The following ARHGAP32 variants were observed in gnomAD, a reference collection of about 807,000 sequenced individuals.
The protein encoded by ARHGAP32 is rho GTPase-activating protein 32.
Under a neutral mutation model 186.5 loss-of-function variants are expected in ARHGAP32, and 51 were observed. That is an observed-to-expected ratio of 0.27 (90% confidence interval 0.22 to 0.35). ARHGAP32 has a LOEUF of 0.35. Among genes scored for constraint, ARHGAP32 ranks in the 10% least tolerant of loss-of-function variants. The probability of loss-of-function intolerance (pLI) is 1.00; values close to 1 mark genes in which losing one functional copy is unlikely to be tolerated. For synonymous variants in ARHGAP32, 950 were observed against 964.3 expected (o/e 0.99, Z 0.27); for missense variants, 2,186 against 2,623.5 (o/e 0.83, Z 3.64).
At chr11:129,078,339 T>C (rs914973174) in intron 6 of ARHGAP32, among the ~76,000 whole-genome samples, 1 of 152,070 alleles carries the variant, frequency 6.6e-6, no homozygotes. Flanking sequence ...TCCTCTGACA[T>C]AGTCCACCCA....
At chr11:129,160,005 C>A (rs1943496359) in intron 2 of ARHGAP32, among the ~76,000 whole-genome samples, 1 of 152,106 alleles carries the variant, frequency 6.6e-6, no homozygotes, top group Admixed American at 6.6e-5. Flanking sequence ...ACAAAAACCA[C>A]AATTATCTCA....
intron 1 of ARHGAP32, among the ~76,000 whole-genome samples, chr11:129,208,174 A>T (rs1407294124): frequency 6.6e-6 from 1 of 152,210 alleles, no homozygotes; most frequent in African/African-American, 2.4e-5. Flanking sequence ...CTATTTGGTC[A>T]GGAAAGAGGA....
chr11:129,225,920 A>G (rs193116947), intron 1 of ARHGAP32, among the ~76,000 whole-genome samples: 158 of 152,320 alleles, frequency 1.0e-3, no homozygotes, highest in Non-Finnish European at 1.2e-3. Flanking sequence ...TTAAAAAGCT[A>G]TAAGAACCAA....
intron 9 of ARHGAP32, 139 bp downstream of exon 9, chr11:129,063,763 A>G: frequency 1.0e-6 from 1 of 958,662 alleles, no homozygotes; most frequent in South Asian, 2.3e-5. Flanking sequence ...AAGATATTAC[A>G]GGCTGAAATA....
chr11:128,976,614 G>A lies in ARHGAP32; in HGVS notation c.2143C>T (p.Leu715Phe). 1.9e-6 allele frequency: 3 copies of A among 1,613,968 alleles called. No individual in the cohort carries two copies. The highest frequency in any genetic ancestry group is 2.5e-6 in the Non-Finnish European group (3 of 1,179,900). ...GACTCCTCACTTTTAGCTGAACGGA[G>A]GGTTCCTTCTGCCCTGCCACCTGAA... ...ALKGGRAEGT[L>F]RSAKSEESLT... The change falls in exon 20 of 23, where the codon CTC becomes TTC. Residue 715 changes from leucine (L) to phenylalanine (F), a missense_variant. Physicochemically the swap from Leu to Phe is conservative, Grantham distance 22. Transcript: ENST00000682385.
intron 1 of ARHGAP32, among the ~76,000 whole-genome samples, chr11:129,190,657 T>C (rs1490171984): frequency 6.6e-6 from 1 of 152,208 alleles, no homozygotes. Flanking sequence ...AAATCTGTTA[T>C]AAAAACAACA....
chr11:129,038,554 C>T (rs1222847494), intron 11 of ARHGAP32, among the ~76,000 whole-genome samples: 2 of 151,744 alleles, frequency 1.3e-5, no homozygotes, highest in Non-Finnish European at 2.9e-5. Flanking sequence ...TCATTATTAT[C>T]TGGTAAAGAA....
chr11:128,978,682 C>T, intron 19 of ARHGAP32, 88 bp downstream of exon 19: 1 of 1,333,382 alleles, frequency 7.5e-7, no homozygotes, highest in South Asian at 1.7e-5. Flanking sequence ...GTTATGGAAG[C>T]AGATCATAAC....
intron 6 of ARHGAP32, among the ~76,000 whole-genome samples, chr11:129,075,567 A>G (rs569032023): frequency 1.2e-4 from 19 of 152,322 alleles, no homozygotes; most frequent in Non-Finnish European, 2.4e-4. Context: ...GAAATTATTT[A>G]ACACCCCCCT....
intron 11 of ARHGAP32, among the ~76,000 whole-genome samples, chr11:129,034,593 G>GCTTT (rs1939245460): frequency 6.6e-6 from 1 of 151,850 alleles, no homozygotes; most frequent in African/African-American, 2.4e-5. Context: ...AGACCATTTA[G>GCTTT]CTTTATGCGA....
At chr11:129,226,591 A>G (rs558517496) in intron 1 of ARHGAP32, among the ~76,000 whole-genome samples, 1 of 152,310 alleles carries the variant, frequency 6.6e-6, no homozygotes, top group African/African-American at 2.4e-5. Flanking sequence ...GGGAAAAAAG[A>G]AATTGTTAAC....
At chr11:129,049,081 T>C (rs547722872) in intron 10 of ARHGAP32, among the ~76,000 whole-genome samples, 1 of 151,702 alleles carries the variant, frequency 6.6e-6, no homozygotes, top group East Asian at 1.9e-4. Flanking sequence ...GAAATAAAAG[T>C]GACACATTCT....
At chr11:129,273,641 G>A (rs1227818827) in intron 1 of ARHGAP32, among the ~76,000 whole-genome samples, 5 of 152,140 alleles carry the variant, frequency 3.3e-5, no homozygotes, top group Admixed American at 6.6e-5. Context: ...CACAGCTACT[G>A]AAGATGCTAC....
intron 1 of ARHGAP32, among the ~76,000 whole-genome samples, chr11:129,237,533 G>C (rs61911040): frequency 0.12 from 18,677 of 152,154 alleles, 1,299 homozygotes; most frequent in Non-Finnish European, 0.15. Context: ...CTTTAGATAA[G>C]GCTTTCAGAG....
intron 1 of ARHGAP32, among the ~76,000 whole-genome samples, chr11:129,177,753 A>G (rs1235998753): frequency 6.6e-6 from 1 of 152,078 alleles, no homozygotes; most frequent in Non-Finnish European, 1.5e-5. Context: ...CATGCTAAAA[A>G]CTCTCAACAA....
chr11:129,214,586 T>C (rs752114938), intron 1 of ARHGAP32, among the ~76,000 whole-genome samples: 7 of 152,164 alleles, frequency 4.6e-5, no homozygotes, highest in Non-Finnish European at 1.0e-4. Context: ...CTCTCCTTTG[T>C]TGCCTTCACT....
chr11:129,200,066 TC>T (rs893600598), intron 1 of ARHGAP32, among the ~76,000 whole-genome samples: 2 of 152,206 alleles, frequency 1.3e-5, no homozygotes, highest in African/African-American at 4.8e-5. Flanking sequence ...GGCCAATTTT[TC>T]CCATTTGGAA....
At chr11:129,121,662 A>G (rs1942534300) in intron 5 of ARHGAP32, among the ~76,000 whole-genome samples, 1 of 152,096 alleles carries the variant, frequency 6.6e-6, no homozygotes, top group Non-Finnish European at 1.5e-5. Context: ...CTGAGTTAGT[A>G]TCACATCTTT....
At chr11:129,149,279 C>T (rs1056981584) in intron 2 of ARHGAP32, among the ~76,000 whole-genome samples, 1 of 152,194 alleles carries the variant, frequency 6.6e-6, no homozygotes, top group African/African-American at 2.4e-5. Context: ...TCCTGGCTAA[C>T]CAATGGTCCT....
Sources: allele counts gnomAD v4.1 joint callset (sites outside exome capture counted in the v4.1 genomes callset), GRCh38; gene constraint gnomAD v4.1.1; transcripts MANE v1.5; gene names NCBI Gene and HGNC (gene_info 2026-07-23, HGNC 2026-07-21).